The following SMAP2 variants were observed in gnomAD, a reference collection of about 807,000 sequenced individuals.
SMAP2 encodes the protein small ArfGAP2, also known as stromal membrane-associated protein 2.
SMAP2 carries 25 observed loss-of-function variants against 56.4 expected under a neutral mutation model. That is an observed-to-expected ratio of 0.44 (90% CI 0.32 to 0.62). The LOEUF (loss-of-function observed/expected upper bound fraction) is 0.62. Among genes scored for constraint, SMAP2 ranks in the 20% least tolerant of loss-of-function variants. SMAP2 has a pLI of 0.04. For missense variants in SMAP2, 388 were observed against 545.6 expected (o/e 0.71, Z 2.88); for synonymous variants, 157 against 181.7 (o/e 0.86, Z 1.09).
chr1:40,406,411 G>A (rs1383448541), intron 1 of SMAP2, among the ~76,000 whole-genome samples: 1 of 152,176 alleles, frequency 6.6e-6, no homozygotes. Context: ...AGTTGCCAGG[G>A]GCTGGGAGGA....
chr1:40,416,155 C>T (rs1644984510), intron 7 of SMAP2, 21 bp from the exon 8 acceptor site: 2 of 1,608,740 alleles, frequency 1.2e-6, no homozygotes, highest in Admixed American at 1.7e-5. Flanking sequence ...TCAATTCTCC[C>T]CCCGCCCTCT....
At chr1:40,348,241 G>A (rs1416858994) in intron 1 of SMAP2, among the ~76,000 whole-genome samples, 2 of 152,134 alleles carry the variant, frequency 1.3e-5, no homozygotes, top group African/African-American at 4.8e-5. Flanking sequence ...ATCAGACAGA[G>A]TACACAATAT....
At chr1:40,390,129 C>T (rs1318341802) in intron 1 of SMAP2, among the ~76,000 whole-genome samples, 1 of 152,192 alleles carries the variant, frequency 6.6e-6, no homozygotes, top group Non-Finnish European at 1.5e-5. Flanking sequence ...TTGCTCTCCT[C>T]CCTTAAGCCA....
intron 9 of SMAP2, 151 bp from the exon 10 acceptor site, chr1:40,421,825 C>T: frequency 2.4e-6 from 2 of 819,438 alleles, no homozygotes; most frequent in Non-Finnish European, 3.8e-6. Context: ...AATGATCTGA[C>T]TGCTAAGGTC....
At chr1:40,395,389 A>G (rs776716797) in intron 1 of SMAP2, among the ~76,000 whole-genome samples, 3 of 152,168 alleles carry the variant, frequency 2.0e-5, no homozygotes, top group South Asian at 4.1e-4. Flanking sequence ...ACCTGTTAAT[A>G]ATAAACCAAT....
In SMAP2 at chr1:40,374,273, G is replaced by T; in HGVS notation, c.103+50G>T. ...AGGGGTCCAGCCGCGCCGGGGTGGT[G>T]GGGGTGGGCTGCGTGAAGAGGCGGT... On this transcript the variant is annotated intron_variant, in intron 1 of 9. Transcript: ENST00000372718. This position sits in a 1 kb window ranked among gnomAD's most constrained non-coding sequence, Gnocchi z 5.9. 1 of 1,500,242 alleles carries T rather than the reference G, an allele frequency of 6.7e-7. No homozygotes were observed. The highest frequency in any genetic ancestry group is 9.2e-7 in the Non-Finnish European group (1 of 1,092,058). The allele number at this position is 1,500,242 out of a possible 1,614,324, so 92.9% of individuals were successfully genotyped here. A position where few individuals can be genotyped will look rare whatever the true frequency, so the allele number is the denominator to read the frequency against.
chr1:40,380,529 C>T (rs866695819), intron 1 of SMAP2, among the ~76,000 whole-genome samples: 2 of 142,876 alleles, frequency 1.4e-5, no homozygotes, highest in South Asian at 2.2e-4. Context: ...ATCTGTGGCA[C>T]TTTTTTTTTT....
chr1:40,389,236 A>T (rs1311717030), intron 1 of SMAP2, among the ~76,000 whole-genome samples: 1 of 152,208 alleles, frequency 6.6e-6, no homozygotes, highest in Non-Finnish European at 1.5e-5. Context: ...TCATTCACTT[A>T]AACTTAGTCC....
intron 1 of SMAP2, among the ~76,000 whole-genome samples, chr1:40,402,060 G>T (rs1644839801): frequency 6.6e-6 from 1 of 152,166 alleles, no homozygotes; most frequent in Non-Finnish European, 1.5e-5. Context: ...TACATCACTT[G>T]TCTATCCTCT....
chr1:40,397,754 T>C (rs1190644550), intron 1 of SMAP2, among the ~76,000 whole-genome samples: 2 of 152,150 alleles, frequency 1.3e-5, no homozygotes, highest in Admixed American at 6.5e-5. Context: ...TATTAAGTAT[T>C]AGAAGAACAA....
At position 40,417,044 on chromosome 1, in the gene SMAP2, A is replaced by G; in HGVS notation, c.1112A>G (p.Gln371Arg). 2 of 1,613,878 alleles carry G rather than the reference A, an allele frequency of 1.2e-6. No homozygotes were observed. Among genetic ancestry groups the G allele is most frequent in the Non-Finnish European group, 1.7e-6 (2 of 1,179,858 alleles). ...GYMAGMAAMPQTVYGVQPAQQ... is the reference protein window; with the variant it reads ...GYMAGMAAMPRTVYGVQPAQQ... ...ATGGCAGGCATGGCAGCTATGCCCC[A>G]GACTGTGTATGGGGTCCAGCCAGCT... The change falls in exon 9 of 10, where the codon CAG becomes CGG. Residue 371 changes from glutamine to arginine, a missense_variant. By Grantham distance (43) the Gln-to-Arg change is conservative. Transcript: ENST00000372718.
Position 40,393,834 on chromosome 1 carries a change from C to T in SMAP2, c.104-12902C>T, listed in dbSNP as rs530511180. 2.6e-5 allele frequency among the ~76,000 whole-genome samples: 4 copies of T among 152,182 alleles called. No homozygotes were observed. In the East Asian group the frequency reaches 7.7e-4, roughly 29 times the overall value. Reference sequence around the variant, plus strand: ...GTGCTGGGATTAAGGCGTGAGGCACCGCGCCCGGCCACTTCTAACCTTTTT... The same window carrying T: ...GTGCTGGGATTAAGGCGTGAGGCACTGCGCCCGGCCACTTCTAACCTTTTT... On this transcript the variant is annotated intron_variant, in intron 1 of 9. Transcript: ENST00000372718.
intron 9 of SMAP2, among the ~76,000 whole-genome samples, chr1:40,417,734 AAGG>A (rs1214316038): frequency 1.3e-5 from 2 of 152,194 alleles, no homozygotes; most frequent in African/African-American, 4.8e-5. Flanking sequence ...CATGGCCTAA[AAGG>A]AGGAGGTACC....
rs1336896323 is a variant in SMAP2, at chr1:40,374,259, C to T, written c.103+36C>T. The stretch of plus-strand genomic sequence containing the variant: ...CCACCTGGCGGGCCAGGGGTCCAGC[C>T]GCGCCGGGGTGGTGGGGGTGGGCTG... On this transcript the variant is annotated intron_variant, in intron 1 of 9. Transcript: ENST00000372718. This position sits in a 1 kb window ranked among gnomAD's most constrained non-coding sequence, Gnocchi z 5.9. 1.3e-6 allele frequency: 2 copies of T among 1,561,668 alleles called. No homozygotes were observed. Among genetic ancestry groups the T allele is most frequent in the Admixed American group, 3.7e-5 (2 of 54,766 alleles).
At chr1:40,349,337 T>C (rs1644401101) in intron 1 of SMAP2, among the ~76,000 whole-genome samples, 1 of 152,138 alleles carries the variant, frequency 6.6e-6, no homozygotes, top group Non-Finnish European at 1.5e-5. Flanking sequence ...CAGACACCTC[T>C]CATCTATACA....
intron 1 of SMAP2, among the ~76,000 whole-genome samples, chr1:40,397,178 G>A (rs987609677): frequency 2.0e-5 from 3 of 152,086 alleles, no homozygotes; most frequent in African/African-American, 4.8e-5. Flanking sequence ...ACCATTGAAC[G>A]GTAAGCAGGA....
Position 40,406,781 on chromosome 1 carries a change from G to A in SMAP2, c.149G>A (p.Arg50Gln), listed in dbSNP as rs1644889880. The change falls in exon 2 of 10, where the codon CGA becomes CAA. Residue 50 changes from arginine (R) to glutamine (Q), a missense_variant. Arg to Gln is a conservative substitution (Grantham distance 43). Coordinates refer to ENST00000372718, the MANE Select transcript of SMAP2 (RefSeq NM_022733.3). ...AACATTGGTGTGTTCATCTGCATTC[G>A]ATGTGCTGGAATCCACAGGAATCTG... is the stretch of plus-strand genomic sequence containing the variant. ...SWNIGVFICI[R>Q]CAGIHRNLGV... The A allele has an allele frequency of 6.2e-7, 1 of 1,614,082 alleles. No homozygotes were observed. Among genetic ancestry groups the A allele is most frequent in the Non-Finnish European group, 8.5e-7 (1 of 1,179,974 alleles).
chr1:40,417,692 C>G lies in SMAP2; in HGVS notation c.1164+596C>G, dbSNP rs115439642. Among the ~76,000 whole-genome samples, 771 of 152,062 alleles carry G rather than the reference C, an allele frequency of 5.1e-3. 5 individuals carry two copies. The highest frequency in any genetic ancestry group is 0.017 in the African/African-American group (718 of 41,468). ...GATATATAGGAGTATAGGTAGTAAC[C>G]TTGGGAAAGCATTGCTTCTCGGGGA... On this transcript the variant is annotated intron_variant, in intron 9 of 9. Coordinates refer to ENST00000372718, the MANE Select transcript of SMAP2 (RefSeq NM_022733.3).
intron 1 of SMAP2, among the ~76,000 whole-genome samples, chr1:40,404,335 G>A (rs548765031): frequency 1.3e-5 from 2 of 152,294 alleles, no homozygotes; most frequent in East Asian, 3.9e-4. Context: ...TAGGGATTTG[G>A]TGGGGAGAAG....
Sources: allele counts gnomAD v4.1 joint callset (sites outside exome capture counted in the v4.1 genomes callset), GRCh38; gene constraint gnomAD v4.1.1; non-coding constraint Gnocchi (gnomAD v3.1); transcripts MANE v1.5; gene names NCBI Gene and HGNC (gene_info 2026-07-23, HGNC 2026-07-21).